Variants in NCAM2 observed in about 807,000 individuals in gnomAD.
The protein encoded by NCAM2 is N-CAM-2.
A neutral mutation model predicts 98.1 loss-of-function variants in NCAM2; 30 were observed. The ratio of observed to expected loss-of-function variants is 0.31; its 90% CI spans 0.23 to 0.41. The LOEUF (loss-of-function observed/expected upper bound fraction) is 0.41, where lower values mean the gene tolerates loss of function less well. Ranked by LOEUF, NCAM2 falls within the 10% of genes least tolerant of loss-of-function variation. The pLI is 1.00. For missense variants in NCAM2, 867 were observed against 1,005.8 expected, an observed-to-expected ratio of 0.86 and a Z score of 1.87; for synonymous variants, 368 against 342.4, an observed-to-expected ratio of 1.07 and a Z score of -0.83.
intron 1 of NCAM2, among the ~76,000 whole-genome samples, chr21:21,219,931 A>G (rs1322616028): frequency 6.6e-6 from 1 of 152,224 alleles, no homozygotes; most frequent in Non-Finnish European, 1.5e-5. Flanking sequence ...CAAAAAACAT[A>G]AAACAGTTAA....
In NCAM2 at chr21:21,111,396, G is replaced by T. The variant is rs528234196; in HGVS notation, c.55+112778G>T. 1.3e-4 allele frequency among the ~76,000 whole-genome samples: 20 copies of T among 152,288 alleles called. No individual in the cohort carries two copies. In the South Asian group the frequency reaches 4.1e-3, roughly 32 times the overall value. ...TTTTGAGCCCGGAGGCATGGAAATG[G>T]GTTGGCAGAAGTGATATCAGGCTAA... On this transcript the variant is annotated intron_variant, in intron 1 of 17. Coordinates refer to ENST00000400546, the MANE Select transcript of NCAM2 (RefSeq NM_004540.5).
At chr21:21,334,901 A>G (rs1437921310) in intron 6 of NCAM2, among the ~76,000 whole-genome samples, 1 of 152,112 alleles carries the variant, frequency 6.6e-6, no homozygotes, top group Non-Finnish European at 1.5e-5. Context: ...CTAAGAGGAA[A>G]CAGAAAAACA....
chr21:21,021,711 A>G (rs1404606109), intron 1 of NCAM2, among the ~76,000 whole-genome samples: 1 of 152,182 alleles, frequency 6.6e-6, no homozygotes, highest in African/African-American at 2.4e-5. Flanking sequence ...GCCATACTTA[A>G]TTTTTAAAAA....
At chr21:21,239,187 A>G (rs549216672) in intron 1 of NCAM2, among the ~76,000 whole-genome samples, 48 of 152,312 alleles carry the variant, frequency 3.2e-4, no homozygotes, top group Admixed American at 2.0e-3. Context: ...GCCCAATGCT[A>G]AAAGGGTTGG....
intron 1 of NCAM2, among the ~76,000 whole-genome samples, chr21:21,173,724 T>A (rs1428980837): frequency 2.0e-5 from 3 of 152,158 alleles, no homozygotes; most frequent in Admixed American, 6.6e-5. Context: ...ATCTTTGGAA[T>A]AACGATTAGC....
chr21:21,405,436 G>A (rs924431577), intron 9 of NCAM2, among the ~76,000 whole-genome samples: 4 of 152,126 alleles, frequency 2.6e-5, no homozygotes, highest in East Asian at 1.9e-4. Context: ...TAACTTTGGC[G>A]AGGTCCAGAT....
At chr21:21,174,760 A>G (rs2068229285) in intron 1 of NCAM2, among the ~76,000 whole-genome samples, 1 of 152,126 alleles carries the variant, frequency 6.6e-6, no homozygotes, top group Non-Finnish European at 1.5e-5. Flanking sequence ...AAATACCAAT[A>G]ATACAATTAC....
intron 9 of NCAM2, among the ~76,000 whole-genome samples, chr21:21,402,443 G>T (rs924357309): frequency 2.0e-5 from 3 of 152,022 alleles, no homozygotes; most frequent in Non-Finnish European, 4.4e-5. Context: ...TAAATTTGAG[G>T]TCAGACTGGT....
chr21:21,150,624 G>C (rs1015014197), intron 1 of NCAM2, among the ~76,000 whole-genome samples: 1 of 151,952 alleles, frequency 6.6e-6, no homozygotes, highest in East Asian at 1.9e-4. Flanking sequence ...TTATATATGT[G>C]ATAACTTCCA....
intron 14 of NCAM2, among the ~76,000 whole-genome samples, chr21:21,475,329 C>G (rs879236607): frequency 6.6e-6 from 1 of 152,134 alleles, no homozygotes; most frequent in East Asian, 1.9e-4. Flanking sequence ...ATTCCACCTT[C>G]TCATTTTTCA....
At chr21:21,291,534 C>A (rs975208997) in intron 4 of NCAM2, among the ~76,000 whole-genome samples, 6 of 151,808 alleles carry the variant, frequency 4.0e-5, no homozygotes, top group Admixed American at 3.3e-4. Context: ...AAAATCTAAT[C>A]TATTTATTCC....
At chr21:21,199,876 A>G (rs773621407) in intron 1 of NCAM2, among the ~76,000 whole-genome samples, 2 of 152,074 alleles carry the variant, frequency 1.3e-5, no homozygotes, top group Non-Finnish European at 2.9e-5. Flanking sequence ...GTTCACCATT[A>G]GAGGCTGGGC....
chr21:21,079,492 A>G (rs939716464), intron 1 of NCAM2, among the ~76,000 whole-genome samples: 2 of 152,198 alleles, frequency 1.3e-5, no homozygotes, highest in Non-Finnish European at 2.9e-5. Flanking sequence ...AATATTTTAA[A>G]GGGGTAAACA....
chr21:21,290,009 T>G (rs2073237179), intron 4 of NCAM2: 1 of 151,846 alleles, frequency 6.6e-6, no homozygotes, highest in Non-Finnish European at 1.5e-5. Context: ...GTCTGCAGAC[T>G]CAGAGAGATG....
chr21:21,473,181 T>C lies in NCAM2; in HGVS notation c.1897-4110T>C, dbSNP rs1005808480. Among the ~76,000 whole-genome samples, 3 of 151,370 alleles carry C rather than the reference T, an allele frequency of 2.0e-5. No homozygotes were observed. In the East Asian group the frequency reaches 5.8e-4, roughly 29 times the overall value. ...TTTGTGCCTCTACCCAGGACAGCTC[T>C]GAAGGACTCACTGGTCTCTCGATGA... On this transcript the variant is annotated intron_variant, in intron 14 of 17. Transcript: ENST00000400546.
At chr21:21,040,437 C>A (rs952413023) in intron 1 of NCAM2, among the ~76,000 whole-genome samples, 1 of 151,998 alleles carries the variant, frequency 6.6e-6, no homozygotes, top group African/African-American at 2.4e-5. Context: ...TCCAGTCTTA[C>A]TGTACTGGTT....
At chr21:21,273,291 A>G (rs1039029169) in intron 1 of NCAM2, among the ~76,000 whole-genome samples, 2 of 152,076 alleles carry the variant, frequency 1.3e-5, no homozygotes, top group Admixed American at 1.3e-4. Context: ...AATATCATAT[A>G]TGTTTGTAGT....
At chr21:21,521,503 G>A (rs749119190) in intron 16 of NCAM2, among the ~76,000 whole-genome samples, 2 of 152,070 alleles carry the variant, frequency 1.3e-5, no homozygotes, top group African/African-American at 2.4e-5. Flanking sequence ...TTAAAATATC[G>A]ATGAGTAACA....
At chr21:21,288,083 C>A (rs2073165140) in intron 4 of NCAM2, among the ~76,000 whole-genome samples, 1 of 151,560 alleles carries the variant, frequency 6.6e-6, no homozygotes, top group South Asian at 2.1e-4. Context: ...GTACATCCTC[C>A]CATATATTCT....
Sources: allele counts gnomAD v4.1 joint callset (sites outside exome capture counted in the v4.1 genomes callset), GRCh38; gene constraint gnomAD v4.1.1; transcripts MANE v1.5; gene names NCBI Gene and HGNC (gene_info 2026-07-23, HGNC 2026-07-21).